Variants in APAF1 observed in about 807,000 individuals in gnomAD.
APAF1 encodes apoptotic protease-activating factor 1.
A neutral mutation model predicts 152.4 loss-of-function variants in APAF1; 91 were observed. The observed-to-expected ratio is 0.60, with a 90% CI of 0.50 to 0.71. The LOEUF (loss-of-function observed/expected upper bound fraction) is 0.71. Ranked by LOEUF, APAF1 falls within the 30% of genes least tolerant of loss-of-function variation. The pLI is 0.00. For missense variants in APAF1, 1,283 were observed against 1,472.0 expected (o/e 0.87, Z 2.10); for synonymous variants, 484 against 494.1 (o/e 0.98, Z 0.27).
At chr12:98,709,090 A>G (rs147585547) in intron 20 of APAF1, among the ~76,000 whole-genome samples, 1 of 152,188 alleles carries the variant, frequency 6.6e-6, no homozygotes, top group Non-Finnish European at 1.5e-5. Context: ...TCTTTGAAAG[A>G]ACAGAAGTCA....
At chr12:98,656,588 A>G (rs7315397) in intron 4 of APAF1, among the ~76,000 whole-genome samples, 137,204 of 152,268 alleles carry the variant, frequency 0.9, 61,895 homozygotes, top group African/African-American at 0.94. Flanking sequence ...TTCTGATCTA[A>G]GTCTTCTTCT....
intron 26 of APAF1, among the ~76,000 whole-genome samples, chr12:98,731,418 CAAAT>C (rs2097761330): frequency 6.6e-6 from 1 of 152,176 alleles, no homozygotes; most frequent in African/African-American, 2.4e-5. Flanking sequence ...TGACTGAAAA[CAAAT>C]GAATCTCAGG....
intron 22 of APAF1, among the ~76,000 whole-genome samples, chr12:98,718,971 C>T (rs906667055): frequency 6.6e-6 from 1 of 152,096 alleles, no homozygotes; most frequent in African/African-American, 2.4e-5. Context: ...GATCTCTTTG[C>T]CCCATCTCCT....
chr12:98,703,452 C>T lies in APAF1; in HGVS notation c.2548C>T (p.Pro850Ser), dbSNP rs1277817599. Residue 850 changes from proline to serine, a missense_variant, in exon 18 of 27, where the codon CCA (proline) becomes TCA (serine). Coordinates refer to ENST00000551964, the MANE Select transcript of APAF1 (RefSeq NM_181861.2). ...HSTIQYCDFS[P>S]QNHLAVVALS... ...CACCATCCAGTACTGTGACTTCTCC[C>T]CACAAAACCATTTGGCAGTGGTTGC... 1.2e-6 allele frequency: 2 copies of T among 1,614,058 alleles called. No homozygotes were observed. Among genetic ancestry groups the T allele is most frequent in the South Asian group, 1.1e-5 (1 of 91,088 alleles).
chr12:98,664,427 A>G (rs79854935), intron 7 of APAF1, among the ~76,000 whole-genome samples: 1 of 152,214 alleles, frequency 6.6e-6, no homozygotes, highest in Admixed American at 6.5e-5. Context: ...TAAAAAAAAA[A>G]TAGAAATTAT....
chr12:98,659,996 G>A (rs547046735), intron 5 of APAF1, among the ~76,000 whole-genome samples: 6 of 152,122 alleles, frequency 3.9e-5, no homozygotes, highest in African/African-American at 9.6e-5. Flanking sequence ...CTTTGAATCC[G>A]TTATTTCTAA....
chr12:98,684,308 A>G (rs1215145909), intron 15 of APAF1, among the ~76,000 whole-genome samples: 2 of 151,966 alleles, frequency 1.3e-5, no homozygotes, highest in Non-Finnish European at 1.5e-5. Context: ...CTCAGTGTGT[A>G]TAAGAGTTAA....
chr12:98,708,691 T>A lies in APAF1; in HGVS notation c.2828T>A (p.Ile943Lys), dbSNP rs1280035474. Reference protein sequence around the residue: ...NEVMVLAVDHIRRLQLINGRT... With the variant: ...NEVMVLAVDHKRRLQLINGRT... ...GTGATGGTCCTTGCAGTTGACCATA[T>A]AAGACGTCTGCAAGTGAGTATTTTT... Residue 943 changes from isoleucine (I) to lysine (K), a missense_variant, in exon 20 of 27, where the codon ATA becomes AAA. Coordinates refer to ENST00000551964, the MANE Select transcript of APAF1 (RefSeq NM_181861.2). 1.2e-6 allele frequency: 2 copies of A among 1,613,566 alleles called. No homozygotes were observed. Among genetic ancestry groups the A allele is most frequent in the Non-Finnish European group, 8.5e-7 (1 of 1,179,850 alleles).
intron 14 of APAF1, among the ~76,000 whole-genome samples, chr12:98,682,304 C>T (rs990493423): frequency 1.3e-4 from 19 of 151,732 alleles, no homozygotes; most frequent in East Asian, 1.2e-3. Flanking sequence ...CTGCCCGCCT[C>T]GGCCTCCCAA....
In APAF1 at chr12:98,735,279, A is replaced by G. The variant is rs2097767897; in HGVS notation, c.*2713A>G. ...ATAAATTACATTGGACTTCATATAT[A>G]TAATTTTTTTTTACATTATATGTCT... On this transcript the variant is annotated 3_prime_UTR_variant, in exon 27 of 27. Transcript: ENST00000551964. The G allele has an allele frequency of 2.5e-6, 1 of 399,776 alleles. No individual in the cohort carries two copies. Among genetic ancestry groups the G allele is most frequent in the African/African-American group, 2.1e-5 (1 of 48,724 alleles). The allele number at this position is 399,776 out of a possible 1,614,324, so 24.8% of individuals were successfully genotyped here.
At chr12:98,679,471 A>G (rs1182731260) in intron 13 of APAF1, among the ~76,000 whole-genome samples, 1 of 152,222 alleles carries the variant, frequency 6.6e-6, no homozygotes, top group Non-Finnish European at 1.5e-5. Context: ...TCAGCGTACC[A>G]CATTCTTCCT....
intron 26 of APAF1, among the ~76,000 whole-genome samples, chr12:98,729,861 A>T (rs1443075396): frequency 6.6e-6 from 1 of 152,248 alleles, no homozygotes; most frequent in Non-Finnish European, 1.5e-5. Context: ...TTATGAAAGG[A>T]TGTACTAAGG....
intron 13 of APAF1, among the ~76,000 whole-genome samples, chr12:98,679,571 C>T (rs1022326209): frequency 6.6e-6 from 1 of 152,370 alleles, no homozygotes; most frequent in East Asian, 1.9e-4. Context: ...CCTTGCTTGC[C>T]GCATTGCAAG....
intron 16 of APAF1, among the ~76,000 whole-genome samples, chr12:98,690,365 T>C (rs1399879993): frequency 6.6e-6 from 1 of 152,236 alleles, no homozygotes; most frequent in African/African-American, 2.4e-5. Context: ...ATCTATCTGC[T>C]TCTTCCTTTA....
chr12:98,693,470 G>T (rs971173344), intron 16 of APAF1, among the ~76,000 whole-genome samples: 1 of 152,102 alleles, frequency 6.6e-6, no homozygotes, highest in Non-Finnish European at 1.5e-5. Context: ...CAATTGAGCC[G>T]TATCGTGTGA....
intron 24 of APAF1, 94 bp downstream of exon 24, chr12:98,723,858 C>G: frequency 7.8e-7 from 1 of 1,276,096 alleles, no homozygotes; most frequent in South Asian, 1.2e-5. Flanking sequence ...AACAGTTGCT[C>G]TCTACATGTC....
At position 98,667,646 on chromosome 12, in the gene APAF1, T is replaced by C. The variant is rs1004159919; in HGVS notation, c.1494+2T>C. On this transcript the variant is annotated splice_donor_variant, in intron 10 of 26. Transcript: ENST00000551964. LOFTEE classifies it high-confidence loss of function. The stretch of plus-strand genomic sequence containing the variant: ...ATGGCCAGTGCCAAGATGCACAAGG[T>C]AAGATGACCCATTTAAAAATTCTTT... 8 of 1,613,348 alleles carry C rather than the reference T, an allele frequency of 5.0e-6. No individual in the cohort carries two copies. The highest frequency in any genetic ancestry group is 6.8e-6 in the Non-Finnish European group (8 of 1,179,990).
intron 7 of APAF1, 25 bp from the exon 8 acceptor site, chr12:98,665,528 T>A: frequency 6.7e-7 from 1 of 1,490,112 alleles, no homozygotes; most frequent in Non-Finnish European, 9.4e-7. Flanking sequence ...GGTATTAGCA[T>A]AGTGACTTCA....
intron 22 of APAF1, among the ~76,000 whole-genome samples, chr12:98,721,595 T>C (rs1045156530): frequency 2.6e-5 from 4 of 152,220 alleles, no homozygotes; most frequent in African/African-American, 7.2e-5. Flanking sequence ...GCATATCTCA[T>C]TGGGTTCTTA....
Sources: allele counts gnomAD v4.1 joint callset (sites outside exome capture counted in the v4.1 genomes callset), GRCh38; gene constraint gnomAD v4.1.1; transcripts MANE v1.5; gene names NCBI Gene and HGNC (gene_info 2026-07-23, HGNC 2026-07-21).